Variants in HGS observed in about 807,000 individuals in gnomAD.
The protein encoded by HGS is hepatocyte growth factor-regulated tyrosine kinase substrate, also known as human growth factor-regulated tyrosine kinase substrate.
In HGS, 63 loss-of-function variants were observed where a neutral mutation model predicts 109.7. The ratio of observed to expected loss-of-function variants is 0.57; its 90% CI spans 0.47 to 0.71. The LOEUF is 0.71. HGS is among the 30% of genes least tolerant of loss of function. The pLI is 0.00. For missense variants in HGS, 995 were observed against 1,068.3 expected, an observed-to-expected ratio of 0.93 and a Z score of 0.96; for synonymous variants, 546 against 437.3, an observed-to-expected ratio of 1.25 and a Z score of -3.10.
At chr17:81,695,703 G>T (rs1568217274) in intron 14 of HGS, 83 bp from the exon 15 acceptor site, 3 of 1,224,372 alleles carry the variant, frequency 2.5e-6, no homozygotes, top group Non-Finnish European at 3.6e-6. Flanking sequence ...CTTGAGTATA[G>T]CTGGGTGCCT....
intron 1 of HGS, among the ~76,000 whole-genome samples, chr17:81,685,301 C>G (rs1229733059): frequency 6.6e-6 from 1 of 152,198 alleles, no homozygotes; most frequent in East Asian, 1.9e-4. Flanking sequence ...GCCTCTGTCT[C>G]TGGTGAGCTG....
intron 18 of HGS, among the ~76,000 whole-genome samples, chr17:81,700,119 C>T (rs989054838): frequency 2.0e-5 from 3 of 151,890 alleles, no homozygotes; most frequent in Admixed American, 1.3e-4. Flanking sequence ...GTAATCCCAG[C>T]ACTTTGGGAG....
At position 81,687,514 on chromosome 17, in the gene HGS, G is replaced by T. The variant is rs575753128; in HGVS notation, c.291+419G>T. ...GCCACATCCCACAGGCAGGGGCCTGGGAGGGCTCTGAGCGGGGGCTTGTAA... is the reference window on the plus strand; with the variant it reads ...GCCACATCCCACAGGCAGGGGCCTGTGAGGGCTCTGAGCGGGGGCTTGTAA... On this transcript the variant is annotated intron_variant, in intron 4 of 21. Transcript: ENST00000329138. Among the ~76,000 whole-genome samples, 23 of 152,338 alleles carry T rather than the reference G, an allele frequency of 1.5e-4. No homozygotes were observed. The East Asian group carries it at 2.7e-3, about 18-fold the overall frequency.
At position 81,685,600 on chromosome 17, in the gene HGS, C is replaced by A; in HGVS notation, c.38-5C>A. ...CCCTCCCTTTCATGGCATTTTCTCT[C>A]TCAGACAAGGCGACCAGCCAGCTCC... On this transcript the variant is annotated splice_region_variant and splice_polypyrimidine_tract_variant and intron_variant, in intron 1 of 21. Transcript: ENST00000329138. The A allele has an allele frequency of 6.2e-7, 1 of 1,607,010 alleles. No homozygotes were observed. The highest frequency in any genetic ancestry group is 8.5e-7 in the Non-Finnish European group (1 of 1,176,378).
Position 81,701,913 on chromosome 17 carries a change from C to T in HGS, c.*295C>T, listed in dbSNP as rs1291482296. ...CTGTGAGAGGTGGCAGGAATGGGGA[C>T]CCTCACCCCCCAAGCAGCCTGTGCC... On this transcript the variant is annotated 3_prime_UTR_variant, in exon 22 of 22. Coordinates refer to ENST00000329138, the MANE Select transcript of HGS (RefSeq NM_004712.5). The T allele has an allele frequency of 6.9e-6, 2 of 289,122 alleles. No individual in the cohort carries two copies. Among genetic ancestry groups the T allele is most frequent in the African/African-American group, 2.2e-5 (1 of 45,556 alleles). 17.9% of individuals were successfully genotyped at this position (289,122 alleles called of 1,614,324 possible).
rs1211670678 is a variant in HGS, at chr17:81,696,451, C to T, written c.1488C>T (p.Arg496=). The change falls in exon 16 of 22, where the codon CGC becomes CGT. Residue 496 remains arginine (R), a synonymous_variant. Transcript: ENST00000329138. ...ALREEHREKL[R]RAAEEAERQR... is the part of the protein sequence containing the mutation. Reference sequence around the variant, plus strand: ...GCGAAGAGCACCGGGAGAAGCTTCGCCGGGCAGCCGAGGAGGCAGAGCGCC... The same window carrying T: ...GCGAAGAGCACCGGGAGAAGCTTCGTCGGGCAGCCGAGGAGGCAGAGCGCC... 1 of 1,545,244 alleles carries T rather than the reference C, an allele frequency of 6.5e-7. No individual in the cohort carries two copies. Among genetic ancestry groups the T allele is most frequent in the Admixed American group, 2.1e-5 (1 of 48,518 alleles).
rs2037243260 is a variant in HGS at position 81,701,857 on chromosome 17, A to G, written c.*239A>G. 3.8e-6 allele frequency: 2 copies of G among 522,322 alleles called. No homozygotes were observed. The highest frequency in any genetic ancestry group is 4.0e-5 in the Admixed American group (1 of 25,298). 32.4% of individuals were successfully genotyped at this position (522,322 alleles called of 1,614,324 possible). ...CATGGGGAGGGAAGGACTTTCTCCC[A>G]GGGGAAGCCCCCAGCCCTGTGGGTC... is the stretch of plus-strand genomic sequence containing the variant. On this transcript the variant is annotated 3_prime_UTR_variant, in exon 22 of 22. Transcript: ENST00000329138.
Position 81,688,739 on chromosome 17 carries a change from G to A in HGS, c.327G>A (p.Leu109=). 6.2e-7 allele frequency: 1 copy of A among 1,614,132 alleles called. No individual in the cohort carries two copies. ...QVEVNVRNKI[L]YLIQAWAHAF... is the part of the protein sequence containing the mutation. ...AGGTAAACGTCCGTAACAAGATCCT[G>A]TACCTGATCCAGGCCTGGGCGCATG... The change falls in exon 5 of 22, where the codon CTG becomes CTA. Residue 109 remains leucine (L), a synonymous_variant. Transcript: ENST00000329138.
Position 81,694,693 on chromosome 17 carries a change from A to C in HGS, c.937-122A>C, listed in dbSNP as rs1248967170. ...CAGATGCCAGGAACCAGAGGAGGGC[A>C]CGGAGGGAGGGCCCAGGCTGCGGCT... On this transcript the variant is annotated intron_variant, in intron 11 of 21. Transcript: ENST00000329138. 50 of 1,147,252 alleles carry C rather than the reference A, an allele frequency of 4.4e-5. 1 individual carries two copies. In the South Asian group the frequency reaches 6.2e-4, roughly 14 times the overall value. The allele number at this position is 1,147,252 out of a possible 1,614,324, so 71.1% of individuals were successfully genotyped here.
rs564826826 is a variant in HGS at position 81,699,902 on chromosome 17, C to T, written c.1883-565C>T. 3.4e-5 allele frequency among the ~76,000 whole-genome samples: 5 copies of T among 148,368 alleles called. No homozygotes were observed. The South Asian group carries it at 8.5e-4, about 25-fold the overall frequency. On this transcript the variant is annotated intron_variant, in intron 18 of 21. Transcript: ENST00000329138. ...CCAGCCTGACCAACATGGTGAAACC[C>T]GTCTCTCCTAAAAATACAAAAACTT... is the stretch of plus-strand genomic sequence containing the variant.
In HGS at chr17:81,700,427, T is replaced by C. The variant is rs191562777; in HGVS notation, c.1883-40T>C. 4,701 of 1,507,042 alleles carry C rather than the reference T, an allele frequency of 3.1e-3. 7 individuals carry two copies. The highest frequency in any genetic ancestry group is 3.8e-3 in the Non-Finnish European group (4,336 of 1,127,732). 93.4% of individuals were successfully genotyped at this position (1,507,042 alleles called of 1,614,324 possible). ...GGGTGTCCCTTCCTCTCCTCCCTGT[T>C]GCCCTGGCTGAACCATCTCCCCTGT... On this transcript the variant is annotated intron_variant, in intron 18 of 21. Transcript: ENST00000329138.
Position 81,695,182 on chromosome 17 carries a change from G to C in HGS, c.1138G>C (p.Asp380His), listed in dbSNP as rs1417818832. The change falls in exon 14 of 22, where the codon GAC becomes CAC. Residue 380 changes from aspartate to histidine, a missense_variant. By Grantham distance (81) the Asp-to-His change is moderately conservative (BLOSUM62 -1). Transcript: ENST00000329138. ...CTTCCAGAACCCCCTCCCGGAGACA[G>C]ACTCTCAGCCCATTCCTCCCTCTGG... ...NVVENPLPET[D>H]SQPIPPSGGP... is the part of the protein sequence containing the mutation. 1 of 1,614,086 alleles carries C rather than the reference G, an allele frequency of 6.2e-7. No homozygotes were observed. The highest frequency in any genetic ancestry group is 8.5e-7 in the Non-Finnish European group (1 of 1,180,014).
intron 18 of HGS, chr17:81,697,220 A>G (rs375083933): frequency 1.2e-5 from 6 of 501,532 alleles, no homozygotes; most frequent in African/African-American, 9.7e-5. Flanking sequence ...TCTCCCCTGA[A>G]TGCGACAGCG....
At chr17:81,692,140 C>T (rs978795230) in intron 8 of HGS, 1 of 155,672 alleles carries the variant, frequency 6.4e-6, no homozygotes, top group African/African-American at 2.4e-5. Flanking sequence ...TCACTCGGGA[C>T]TGCGCTGCCA....
rs2037067283 is a variant in HGS at position 81,691,828 on chromosome 17, G to C, written c.662+257G>C. ...CCCGACAAACCTGTTGCTTGGGTTT[G>C]GGTTTGGGTTTGTTTGCATTTCAAC... On this transcript the variant is annotated intron_variant, in intron 8 of 21. Transcript: ENST00000329138. This position sits in a 1 kb window ranked among gnomAD's most constrained non-coding sequence, Gnocchi z 5.3. The C allele has an allele frequency of 4.9e-6, 2 of 409,922 alleles. No individual in the cohort carries two copies. The highest frequency in any genetic ancestry group is 8.1e-5 in the East Asian group (2 of 24,840). The allele number at this position is 409,922 out of a possible 1,614,324, so 25.4% of individuals were successfully genotyped here. A position where few individuals can be genotyped will look rare whatever the true frequency, so the allele number is the denominator to read the frequency against.
chr17:81,694,650 G>A (rs1391915746), intron 11 of HGS, among the ~76,000 whole-genome samples, 165 bp from the exon 12 acceptor site: 1 of 152,212 alleles, frequency 6.6e-6, no homozygotes, highest in African/African-American at 2.4e-5. Flanking sequence ...ATCTGGAAGA[G>A]GAGAAAAGAT....
At position 81,691,486 on chromosome 17, in the gene HGS, T is replaced by C; in HGVS notation, c.577T>C (p.Cys193Arg). Reference sequence around the variant, plus strand: ...GTGTGGGCAGATATTCTGTGGAAAGTGTTCTTCCAAGTACTCCACCATCCC... The same window carrying C: ...GTGTGGGCAGATATTCTGTGGAAAGCGTTCTTCCAAGTACTCCACCATCCC... The part of the protein sequence containing the change: ...RACGQIFCGK[C>R]SSKYSTIPKF... Residue 193 changes from cysteine (C) to arginine (R), a missense_variant, in exon 8 of 22, where the codon TGT (cysteine) becomes CGT (arginine). Coordinates refer to ENST00000329138, the MANE Select transcript of HGS (RefSeq NM_004712.5). The surrounding 1 kb of genome is among the most constrained non-coding windows in gnomAD (Gnocchi z 5.3). 6.2e-7 allele frequency: 1 copy of C among 1,614,130 alleles called. No individual in the cohort carries two copies. The highest frequency in any genetic ancestry group is 8.5e-7 in the Non-Finnish European group (1 of 1,180,026).
At chr17:81,694,300 T>A (rs1250936033) in intron 11 of HGS, among the ~76,000 whole-genome samples, 1 of 152,218 alleles carries the variant, frequency 6.6e-6, no homozygotes, top group East Asian at 1.9e-4. Flanking sequence ...CACCTCTCCC[T>A]GGCCTCAGCC....
chr17:81,698,434 T>G (rs1448442290), intron 18 of HGS: 1 of 152,282 alleles, frequency 6.6e-6, no homozygotes, highest in Non-Finnish European at 1.5e-5. Context: ...CCCGTTACTT[T>G]GATGCTCAAA....
Sources: allele counts gnomAD v4.1 joint callset (sites outside exome capture counted in the v4.1 genomes callset), GRCh38; gene constraint gnomAD v4.1.1; non-coding constraint Gnocchi (gnomAD v3.1); transcripts MANE v1.5; gene names NCBI Gene and HGNC (gene_info 2026-07-23, HGNC 2026-07-21).